The following KIN variants were observed in gnomAD, a reference collection of about 807,000 sequenced individuals.
KIN encodes DNA/RNA-binding protein KIN17.
Under a neutral mutation model 63.0 loss-of-function variants are expected in KIN, and 47 were observed. That is an observed-to-expected ratio of 0.75 (90% CI 0.59 to 0.95). KIN has a LOEUF of 0.95. Among genes scored for constraint, KIN ranks in the 40% least tolerant of loss-of-function variants. The pLI is 0.00. For missense variants in KIN, 408 were observed against 460.9 expected (o/e 0.89, Z 1.05); for synonymous variants, 160 against 157.7 (o/e 1.01, Z -0.11).
Position 7,769,365 on chromosome 10 carries a change from T to A in KIN, c.669-20A>T. 1 of 1,604,744 alleles carries A rather than the reference T, an allele frequency of 6.2e-7. No homozygotes were observed. Among genetic ancestry groups the A allele is most frequent in the South Asian group, 1.1e-5 (1 of 88,986 alleles). On this transcript the variant is annotated intron_variant, in intron 7 of 12. Transcript: ENST00000379562. ...AGAGTACTGATGAACAGGAGAACCA[T>A]GCTTGTTACCAAGAACCATACACAG...
intron 1 of KIN, among the ~76,000 whole-genome samples, chr10:7,784,654 C>T (rs533375357): frequency 1.3e-5 from 2 of 151,974 alleles, no homozygotes; most frequent in Non-Finnish European, 2.9e-5. Context: ...CTCATTTGTA[C>T]AAAAGCATGG....
chr10:7,758,667 G>T (rs1048217128), intron 12 of KIN, among the ~76,000 whole-genome samples: 1 of 112,700 alleles, frequency 8.9e-6, no homozygotes, highest in Non-Finnish European at 1.9e-5. Context: ...TTTCATGCAT[G>T]GTCCATGCAA....
chr10:7,765,887 C>T (rs529572623), intron 9 of KIN, among the ~76,000 whole-genome samples, 166 bp downstream of exon 9: 1 of 152,174 alleles, frequency 6.6e-6, no homozygotes, highest in Non-Finnish European at 1.5e-5. Flanking sequence ...GAGGTGCAAC[C>T]AATAATTAAT....
intron 7 of KIN, among the ~76,000 whole-genome samples, chr10:7,770,372 GC>G (rs1184088194): frequency 6.6e-6 from 1 of 152,194 alleles, no homozygotes; most frequent in Non-Finnish European, 1.5e-5. Context: ...CATGCCCTAT[GC>G]TTTCAGCCTC....
chr10:7,767,247 C>T (rs895314604), intron 8 of KIN, among the ~76,000 whole-genome samples: 1 of 152,094 alleles, frequency 6.6e-6, no homozygotes, highest in African/African-American at 2.4e-5. Flanking sequence ...ACTCCAGTCC[C>T]GTGGGCCTTT....
At chr10:7,763,942 A>G (rs1588473112) in intron 9 of KIN, 151 bp from the exon 10 acceptor site, 1 of 521,326 alleles carries the variant, frequency 1.9e-6, no homozygotes, top group East Asian at 3.4e-5. Flanking sequence ...CCTTCCCAAC[A>G]ATGACAAACA....
At chr10:7,775,539 T>C (rs1052811814) in intron 6 of KIN, among the ~76,000 whole-genome samples, 1 of 152,200 alleles carries the variant, frequency 6.6e-6, no homozygotes, top group Non-Finnish European at 1.5e-5. Context: ...CCTTATTGTT[T>C]AAGTTAATTG....
chr10:7,771,388 A>G (rs1835662999), intron 7 of KIN, among the ~76,000 whole-genome samples: 1 of 152,134 alleles, frequency 6.6e-6, no homozygotes, highest in African/African-American at 2.4e-5. Flanking sequence ...ATGCTTATTA[A>G]TCTATTGTTT....
At position 7,759,374 on chromosome 10, in the gene KIN, TG is replaced by T. The variant is rs1361622101; in HGVS notation, c.1119+515del. 2.0e-5 allele frequency among the ~76,000 whole-genome samples: 3 copies of T among 152,314 alleles called. No individual in the cohort carries two copies. The East Asian group carries it at 5.8e-4, about 29-fold the overall frequency. ...GTCAGAGTTCTTTAAATTACTGTAT[TG>T]ATCTCTGCTACCTTAAATCCTTTAT... is the stretch of plus-strand genomic sequence containing the variant. On this transcript the variant is annotated intron_variant, in intron 12 of 12. Transcript: ENST00000379562.
chr10:7,765,016 G>A (rs373157808), intron 9 of KIN, among the ~76,000 whole-genome samples: 2 of 151,996 alleles, frequency 1.3e-5, no homozygotes, highest in South Asian at 2.1e-4. Flanking sequence ...AAAATTAACC[G>A]GATGTGGTGG....
chr10:7,757,521 AAAATTAAATT>A (rs1034935678), intron 12 of KIN, among the ~76,000 whole-genome samples: 69 of 151,858 alleles, frequency 4.5e-4, no homozygotes, highest in East Asian at 3.9e-4. Flanking sequence ...AAAATAAAAT[AAAATTAAATT>A]AAATAAAATT....
At chr10:7,784,827 C>A (rs923634810) in intron 1 of KIN, among the ~76,000 whole-genome samples, 1 of 152,138 alleles carries the variant, frequency 6.6e-6, no homozygotes, top group East Asian at 1.9e-4. Flanking sequence ...TACTCACTTG[C>A]TCTTACAAGG....
chr10:7,765,108 G>C (rs1348875989), intron 9 of KIN, among the ~76,000 whole-genome samples: 1 of 144,586 alleles, frequency 6.9e-6, no homozygotes, highest in East Asian at 2.0e-4. Context: ...ACGGTGAGCT[G>C]AGATCGTGCC....
At chr10:7,781,341 T>C (rs964880322) in intron 2 of KIN, among the ~76,000 whole-genome samples, 1 of 151,632 alleles carries the variant, frequency 6.6e-6, no homozygotes, top group East Asian at 1.9e-4. Context: ...GAGGGTAGAG[T>C]AGAATAAGGG....
chr10:7,769,612 A>G (rs1234014130), intron 7 of KIN, among the ~76,000 whole-genome samples: 1 of 151,120 alleles, frequency 6.6e-6, no homozygotes, highest in East Asian at 2.0e-4. Flanking sequence ...CCTTCTCCTC[A>G]CTCCTTCGGT....
At chr10:7,777,831 G>A (rs7896673) in intron 5 of KIN, among the ~76,000 whole-genome samples, 49,508 of 151,232 alleles carry the variant, frequency 0.33, 9,006 homozygotes, top group Non-Finnish European at 0.41. Context: ...CCCAGGAGGC[G>A]GGGGTTGCAG....
chr10:7,762,321 G>C lies in KIN; in HGVS notation c.1018+136C>G, dbSNP rs145820151. The C allele has an allele frequency of 2.7e-3, 1,365 of 499,172 alleles. 6 individuals are homozygous for C. The highest frequency in any genetic ancestry group is 3.0e-3 in the Non-Finnish European group (841 of 281,864). 30.9% of individuals were successfully genotyped at this position (499,172 alleles called of 1,614,324 possible). ...TACGATGCCCTTGAATCCAAACAGA[G>C]ATGAGTTACGCTGGCAGTTAATGCC... On this transcript the variant is annotated intron_variant, in intron 11 of 12. Coordinates refer to ENST00000379562, the MANE Select transcript of KIN (RefSeq NM_012311.4).
At position 7,763,768 on chromosome 10, in the gene KIN, G is replaced by C; in HGVS notation, c.873C>G (p.Thr291=). The change falls in exon 10 of 13, where the codon ACC becomes ACG. Residue 291 remains threonine, a synonymous_variant. Coordinates refer to ENST00000379562, the MANE Select transcript of KIN (RefSeq NM_012311.4). The part of the protein sequence containing the change: ...LQPEIIVKII[T]KKLGEKYHKK... ...TATGATATTTCTCTCCCAGTTTCTT[G>C]GTTATAATTTTCACAATAATTTCCT... The C allele has an allele frequency of 7.0e-7, 1 of 1,428,744 alleles. No homozygotes were observed. Among genetic ancestry groups the C allele is most frequent in the Non-Finnish European group, 9.7e-7 (1 of 1,029,020 alleles). The allele number at this position is 1,428,744 out of a possible 1,614,324, so 88.5% of individuals were successfully genotyped here.
chr10:7,772,792 A>G (rs1275606791), intron 7 of KIN, among the ~76,000 whole-genome samples: 2 of 152,214 alleles, frequency 1.3e-5, no homozygotes, highest in African/African-American at 4.8e-5. Context: ...AATAAAACTA[A>G]TATTTTTGCT....
Sources: allele counts gnomAD v4.1 joint callset (sites outside exome capture counted in the v4.1 genomes callset), GRCh38; gene constraint gnomAD v4.1.1; transcripts MANE v1.5; gene names NCBI Gene and HGNC (gene_info 2026-07-23, HGNC 2026-07-21).